ASTN2: variants seen among roughly 807,000 people sequenced by gnomAD.
ASTN2 encodes the protein astrotactin-2.
A neutral mutation model predicts 139.8 loss-of-function variants in ASTN2; 54 were observed. The observed-to-expected ratio is 0.39, with a 90% confidence interval of 0.31 to 0.48. The LOEUF (loss-of-function observed/expected upper bound fraction) is 0.48. Ranked by LOEUF, ASTN2 falls within the 20% of genes least tolerant of loss-of-function variation. The pLI, the probability that ASTN2 is intolerant of heterozygous loss-of-function variation, is 0.95. For synonymous variants in ASTN2, 756 were observed against 719.5 expected (o/e 1.05, Z -0.81); for missense variants, 1,565 against 1,725.1 (o/e 0.91, Z 1.64).
Position 116,425,985 on chromosome 9 carries a change from G to C in ASTN2, c.3886C>G (p.Leu1296Val). The change falls in exon 23 of 23, where the codon CTT (leucine) becomes GTT (valine). Residue 1296 changes from leucine to valine, a missense_variant. By Grantham distance (32) the Leu-to-Val change is conservative. This residue lies in a region of ASTN2 where 418 missense variants were observed against 465.8 expected (regional missense o/e 0.90). Coordinates refer to ENST00000313400, the MANE Select transcript of ASTN2 (RefSeq NM_001365068.1). Reference protein sequence around the residue: ...IQSRVETVPYLFCRSEEVRPA... With the variant: ...IQSRVETVPYVFCRSEEVRPA... ...CGGACCTCCTCGCTGCGGCAGAAAA[G>C]ATAGGGCACTGTTTCCACGCGGCTC... 2 of 1,614,192 alleles carry C rather than the reference G, an allele frequency of 1.2e-6. No homozygotes were observed. Among genetic ancestry groups the C allele is most frequent in the East Asian group, 4.5e-5 (2 of 44,874 alleles).
intron 5 of ASTN2, among the ~76,000 whole-genome samples, chr9:117,066,496 T>C (rs938786734): frequency 6.7e-6 from 1 of 149,620 alleles, no homozygotes; most frequent in African/African-American, 2.5e-5. Context: ...CATGTGTCTT[T>C]ATACTAGCAT....
chr9:117,361,874 A>G (rs1031643088), intron 1 of ASTN2, among the ~76,000 whole-genome samples: 2 of 152,186 alleles, frequency 1.3e-5, no homozygotes, highest in Non-Finnish European at 2.9e-5. Flanking sequence ...AGTTCTTAAT[A>G]TGATACCCAG....
At position 116,424,593 on chromosome 9, in the gene ASTN2, C is replaced by CTTTTTTTT. The variant is rs11451556; in HGVS notation, c.*1250_*1257dup. ...CTCTTCTTCCTGGAGCAAATTCCAT[C>CTTTTTTTT]TTTTTTTTTTTTTTTAAGTTGTCAC... On this transcript the variant is annotated 3_prime_UTR_variant, in exon 23 of 23. Coordinates refer to ENST00000313400, the MANE Select transcript of ASTN2 (RefSeq NM_001365068.1). 7.0e-6 allele frequency among the ~76,000 whole-genome samples: 1 copy of CTTTTTTTT among 142,528 alleles called. No homozygotes were observed. Among genetic ancestry groups the CTTTTTTTT allele is most frequent in the African/African-American group, 2.6e-5 (1 of 38,554 alleles). 93.5% of individuals were successfully genotyped at this position (142,528 alleles called of 152,430 possible).
At chr9:117,332,696 A>G (rs1054724669) in intron 1 of ASTN2, among the ~76,000 whole-genome samples, 1 of 152,216 alleles carries the variant, frequency 6.6e-6, no homozygotes, top group Non-Finnish European at 1.5e-5. Context: ...ACATAGATGC[A>G]TACACAAATG....
chr9:117,038,469 G>C (rs1370880576), intron 6 of ASTN2, among the ~76,000 whole-genome samples: 1 of 151,492 alleles, frequency 6.6e-6, no homozygotes, highest in East Asian at 1.9e-4. Context: ...ATGGAATCTT[G>C]TTACATGTCC....
chr9:116,820,477 G>T, intron 12 of ASTN2, 140 bp downstream of exon 12: 1 of 1,126,068 alleles, frequency 8.9e-7, no homozygotes, highest in Non-Finnish European at 1.2e-6. Context: ...TTTGGCTCTT[G>T]GACTAAAACA....
intron 2 of ASTN2, among the ~76,000 whole-genome samples, chr9:117,226,253 G>C (rs1363877616): frequency 6.6e-6 from 1 of 152,186 alleles, no homozygotes; most frequent in African/African-American, 2.4e-5. Context: ...TGCAGGCTCT[G>C]GAGTTGATGG....
intron 13 of ASTN2, among the ~76,000 whole-genome samples, chr9:116,781,801 T>C (rs748966746): frequency 1.4e-4 from 21 of 152,172 alleles, no homozygotes; most frequent in Admixed American, 2.6e-4. Flanking sequence ...CAGGGCCAGA[T>C]ACCTGCAGTT....
intron 5 of ASTN2, among the ~76,000 whole-genome samples, chr9:117,054,045 A>T (rs1046693241): frequency 4.0e-5 from 6 of 151,012 alleles, no homozygotes; most frequent in Non-Finnish European, 8.9e-5. Flanking sequence ...AAAAAAAAAC[A>T]AAAGAGGAGA....
chr9:117,384,557 T>C (rs1830350073), intron 1 of ASTN2, among the ~76,000 whole-genome samples: 1 of 152,202 alleles, frequency 6.6e-6, no homozygotes, highest in Non-Finnish European at 1.5e-5. Flanking sequence ...GTTCTTTTAA[T>C]CCAACCTTGG....
chr9:116,685,343 C>T (rs1360909929), intron 16 of ASTN2, among the ~76,000 whole-genome samples: 1 of 152,130 alleles, frequency 6.6e-6, no homozygotes. Context: ...TCTCTGTTCC[C>T]CAAATGCTCA....
chr9:116,640,625 A>G (rs1232331637), intron 17 of ASTN2, among the ~76,000 whole-genome samples: 1 of 152,246 alleles, frequency 6.6e-6, no homozygotes, highest in Non-Finnish European at 1.5e-5. Flanking sequence ...CACAGGAAGC[A>G]AGAGAAGTAA....
At chr9:117,094,133 ACT>A (rs1828776771) in intron 5 of ASTN2, among the ~76,000 whole-genome samples, 1 of 23,268 alleles carries the variant, frequency 4.3e-5, no homozygotes, top group African/African-American at 1.6e-4. Flanking sequence ...GGAGGGAGGG[ACT>A]AAGGGAGGGA....
At chr9:116,731,222 AAT>A (rs869217332) in intron 14 of ASTN2, among the ~76,000 whole-genome samples, 4 of 120,870 alleles carry the variant, frequency 3.3e-5, no homozygotes, top group Non-Finnish European at 7.3e-5. Context: ...TAATAATAAT[AAT>A]AAATCTTTTG....
intron 1 of ASTN2, among the ~76,000 whole-genome samples, chr9:117,328,307 G>A (rs761660638): frequency 6.6e-6 from 1 of 152,132 alleles, no homozygotes; most frequent in Non-Finnish European, 1.5e-5. Flanking sequence ...GAGGAAGATA[G>A]TATAGAATGT....
intron 7 of ASTN2, among the ~76,000 whole-genome samples, chr9:116,994,900 T>C (rs1050138823): frequency 3.3e-5 from 5 of 152,204 alleles, no homozygotes; most frequent in Middle Eastern, 3.2e-3. Flanking sequence ...GTACCAAGTA[T>C]TGTGCTCAGT....
At chr9:116,540,134 C>T (rs1344580082) in intron 19 of ASTN2, among the ~76,000 whole-genome samples, 1 of 152,156 alleles carries the variant, frequency 6.6e-6, no homozygotes, top group African/African-American at 2.4e-5. Context: ...GTATTCTTTA[C>T]CTTCTCCATT....
Position 117,096,112 on chromosome 9 carries a change from G to A in ASTN2, c.1208C>T (p.Ser403Leu), listed in dbSNP as rs767775629. ...SFGRAKGTSG[S>L]EADDETQLTF... ...CAGCTGAGTTTCATCGTCTGCCTCT[G>A]AGCCCGACGTCCCCTTGGCTCTCCC... Residue 403 changes from serine to leucine, a missense_variant, in exon 5 of 23, where the codon TCA becomes TTA. Ser to Leu is a moderately radical substitution (Grantham distance 145). Transcript: ENST00000313400. 2.5e-6 allele frequency: 4 copies of A among 1,614,072 alleles called. No individual in the cohort carries two copies. The highest frequency in any genetic ancestry group is 3.4e-6 in the Non-Finnish European group (4 of 1,179,976).
chr9:116,837,505 C>T (rs974650517), intron 11 of ASTN2, among the ~76,000 whole-genome samples: 2 of 152,220 alleles, frequency 1.3e-5, no homozygotes, highest in Non-Finnish European at 2.9e-5. Context: ...TTCCTCCATA[C>T]TGTGAACCTG....
Sources: gnomAD v4.1 joint callset for allele counts (sites outside exome capture counted in the v4.1 genomes callset) on GRCh38, gnomAD v4.1.1 for gene constraint, gnomAD v4.1.1 regional missense constraint, MANE v1.5 for transcripts, NCBI Gene and HGNC (gene_info 2026-07-23, HGNC 2026-07-21) for gene names.